The following CNTN4 variants were observed in gnomAD, a reference collection of about 807,000 sequenced individuals.
The protein encoded by CNTN4 is contactin-4.
A neutral mutation model predicts 122.5 loss-of-function variants in CNTN4; 77 were observed. The ratio of observed to expected loss-of-function variants is 0.63; its 90% CI spans 0.52 to 0.76. CNTN4 has a LOEUF of 0.76. Among genes scored for constraint, CNTN4 ranks in the 30% least tolerant of loss-of-function variants. The probability of loss-of-function intolerance (pLI) is 0.00; values close to 1 mark genes in which losing one functional copy is unlikely to be tolerated. For synonymous variants in CNTN4, 512 were observed against 447.0 expected (o/e 1.15, Z -1.83); for missense variants, 1,256 against 1,259.1 (o/e 1.00, Z 0.04).
chr3:2,224,617 C>A (rs970105634), intron 2 of CNTN4, among the ~76,000 whole-genome samples: 2 of 152,092 alleles, frequency 1.3e-5, no homozygotes, highest in Non-Finnish European at 2.9e-5. Context: ...GAGGTCTGGT[C>A]TTGGGAATCC....
chr3:2,791,764 G>T (rs909128961), intron 6 of CNTN4, among the ~76,000 whole-genome samples: 2 of 152,188 alleles, frequency 1.3e-5, no homozygotes, highest in Non-Finnish European at 2.9e-5. Context: ...GCCTCTAGGG[G>T]TTTTAGGGAA....
chr3:2,173,824 T>G (rs911396331), intron 2 of CNTN4, among the ~76,000 whole-genome samples: 56 of 152,134 alleles, frequency 3.7e-4, no homozygotes, highest in Non-Finnish European at 4.4e-5. Context: ...TAAAATAAAA[T>G]TTGAAAAAGA....
intron 4 of CNTN4, among the ~76,000 whole-genome samples, chr3:2,613,385 A>T (rs900160080): frequency 3.3e-5 from 5 of 152,116 alleles, no homozygotes; most frequent in Non-Finnish European, 7.4e-5. Flanking sequence ...AGACTTGTGG[A>T]TGGGCCCATC....
intron 1 of CNTN4, among the ~76,000 whole-genome samples, chr3:2,099,948 TC>T (rs1226044293): frequency 2.6e-5 from 4 of 152,214 alleles, no homozygotes; most frequent in Non-Finnish European, 5.9e-5. Flanking sequence ...CCTGAATCCC[TC>T]TGAACCAGCC....
chr3:2,652,337 G>A (rs2083400304), intron 4 of CNTN4, among the ~76,000 whole-genome samples: 1 of 152,130 alleles, frequency 6.6e-6, no homozygotes, highest in African/African-American at 2.4e-5. Context: ...GCCTAAATAA[G>A]TACTAGTAAT....
chr3:2,393,445 T>C lies in CNTN4; in HGVS notation c.-89+54212T>C, dbSNP rs144748913. 5.1e-3 allele frequency among the ~76,000 whole-genome samples: 779 copies of C among 152,298 alleles called. 9 individuals carry two copies. Among genetic ancestry groups the C allele is most frequent in the African/African-American group, 0.018 (731 of 41,562 alleles). ...CCTTTTAATAGCATATGGCAGATAG[T>C]AATCAGTCATTCCTTTTTAGTACAT... On this transcript the variant is annotated intron_variant, in intron 3 of 24. Transcript: ENST00000418658.
chr3:2,910,054 C>G (rs1577236045), intron 12 of CNTN4, among the ~76,000 whole-genome samples: 1 of 152,310 alleles, frequency 6.6e-6, no homozygotes, highest in Non-Finnish European at 1.5e-5. Flanking sequence ...ATCAGAGATT[C>G]CAACCATGGC....
chr3:2,531,359 A>G (rs527404895), intron 3 of CNTN4, among the ~76,000 whole-genome samples: 27 of 152,098 alleles, frequency 1.8e-4, no homozygotes, highest in Non-Finnish European at 3.8e-4. Context: ...TTCCTCAGGG[A>G]TAGTCAGGAC....
At chr3:3,006,820 A>T (rs2125455318) in intron 14 of CNTN4, among the ~76,000 whole-genome samples, 1 of 152,264 alleles carries the variant, frequency 6.6e-6, no homozygotes, top group African/African-American at 2.4e-5. Flanking sequence ...TTAAAATGGG[A>T]GGTCCAACCT....
chr3:2,480,403 A>G (rs1369550586), intron 3 of CNTN4, among the ~76,000 whole-genome samples: 1 of 152,230 alleles, frequency 6.6e-6, no homozygotes, highest in Non-Finnish European at 1.5e-5. Context: ...TGTAATAAAT[A>G]ATTGTAACCG....
chr3:2,731,659 G>A (rs12638165), intron 4 of CNTN4, among the ~76,000 whole-genome samples: 20,070 of 152,208 alleles, frequency 0.13, 1,544 homozygotes, highest in South Asian at 0.26. Flanking sequence ...AATAATGTGA[G>A]CCCATGCCCC....
chr3:2,604,025 G>A lies in CNTN4; in HGVS notation c.55+32467G>A, dbSNP rs547476625. ...GCCTGCTTCAAACACCGTGGAGAGT[G>A]GAAAGGGAAATGTGGCAAATCATAC... On this transcript the variant is annotated intron_variant, in intron 4 of 24. Coordinates refer to ENST00000418658, the MANE Select transcript of CNTN4 (RefSeq NM_175607.3). Among the ~76,000 whole-genome samples, 5 of 152,230 alleles carry A rather than the reference G, an allele frequency of 3.3e-5. No individual in the cohort carries two copies. The East Asian group carries it at 9.7e-4, about 29-fold the overall frequency.
intron 3 of CNTN4, among the ~76,000 whole-genome samples, chr3:2,537,098 T>G (rs2077840080): frequency 6.6e-6 from 1 of 152,110 alleles, no homozygotes; most frequent in Non-Finnish European, 1.5e-5. Context: ...TGCAGTAGAT[T>G]TCTAAATTTT....
chr3:2,480,028 A>G (rs779506385), intron 3 of CNTN4, among the ~76,000 whole-genome samples: 1 of 152,202 alleles, frequency 6.6e-6, no homozygotes, highest in Non-Finnish European at 1.5e-5. Flanking sequence ...TTAGACAGTT[A>G]TATCACTAGA....
intron 2 of CNTN4, among the ~76,000 whole-genome samples, chr3:2,156,894 G>A (rs1271808536): frequency 6.6e-6 from 1 of 152,206 alleles, no homozygotes; most frequent in East Asian, 1.9e-4. Context: ...GGAGAGGGAA[G>A]TCTGACCCTC....
rs553263018 is a variant in CNTN4, at chr3:2,574,819, C to G, written c.55+3261C>G. ...ATATTAATCTGTGCCCGGCTCTACT[C>G]CTTTGTGACAAGTCTCCCAGTCTTT... On this transcript the variant is annotated intron_variant, in intron 4 of 24. Transcript: ENST00000418658. 5.3e-5 allele frequency among the ~76,000 whole-genome samples: 8 copies of G among 152,176 alleles called. No individual in the cohort carries two copies. In the South Asian group the frequency reaches 1.7e-3, roughly 32 times the overall value.
intron 2 of CNTN4, among the ~76,000 whole-genome samples, chr3:2,205,866 A>G (rs2038318509): frequency 6.6e-6 from 1 of 152,152 alleles, no homozygotes; most frequent in African/African-American, 2.4e-5. Flanking sequence ...GGTGTATCCT[A>G]TGAAAACAAC....
intron 6 of CNTN4, among the ~76,000 whole-genome samples, chr3:2,781,750 A>T (rs1161814888): frequency 1.0e-5 from 1 of 96,180 alleles, no homozygotes; most frequent in Non-Finnish European, 1.8e-5. Context: ...TTTGAGACGG[A>T]GTGTCGCTCT....
chr3:2,309,045 AAAG>A (rs1479270032), intron 2 of CNTN4, among the ~76,000 whole-genome samples: 1 of 152,084 alleles, frequency 6.6e-6, no homozygotes, highest in Admixed American at 6.5e-5. Flanking sequence ...TCCACTATTT[AAAG>A]AAGGATTTTG....
Sources: allele counts gnomAD v4.1 joint callset (sites outside exome capture counted in the v4.1 genomes callset), GRCh38; gene constraint gnomAD v4.1.1; transcripts MANE v1.5; gene names NCBI Gene and HGNC (gene_info 2026-07-23, HGNC 2026-07-21).